RGS7: variants seen among roughly 807,000 people sequenced by gnomAD.
RGS7 encodes the protein regulator of G-protein signaling 7.
RGS7 carries 27 observed loss-of-function variants against 81.1 expected under a neutral mutation model. That is an observed-to-expected ratio of 0.33 (90% confidence interval 0.25 to 0.46). The LOEUF is 0.46. RGS7 is among the 20% of genes least tolerant of loss of function. The pLI, the probability that RGS7 is intolerant of heterozygous loss-of-function variation, is 1.00. For missense variants in RGS7, 396 were observed against 607.4 expected, an observed-to-expected ratio of 0.65 and a Z score of 3.66; for synonymous variants, 208 against 207.7, an observed-to-expected ratio of 1.00 and a Z score of -0.01.
intron 2 of RGS7, among the ~76,000 whole-genome samples, chr1:241,134,960 G>A (rs1441391106): frequency 2.0e-5 from 3 of 151,942 alleles, no homozygotes; most frequent in Non-Finnish European, 2.9e-5. Flanking sequence ...TACCCTGGCC[G>A]GAAGACACCT....
chr1:241,081,480 A>C (rs144123579), intron 3 of RGS7, among the ~76,000 whole-genome samples: 1 of 152,364 alleles, frequency 6.6e-6, no homozygotes, highest in African/African-American at 2.4e-5. Flanking sequence ...TGCCATGGAG[A>C]GGCCTATTTG....
intron 9 of RGS7, among the ~76,000 whole-genome samples, chr1:240,858,920 G>A (rs1405597703): frequency 6.6e-6 from 1 of 152,062 alleles, no homozygotes; most frequent in Non-Finnish European, 1.5e-5. Flanking sequence ...TTGCATCTTT[G>A]TTCATGAGAG....
At chr1:241,161,369 C>G (rs2069643022) in intron 2 of RGS7, among the ~76,000 whole-genome samples, 1 of 151,842 alleles carries the variant, frequency 6.6e-6, no homozygotes, top group Non-Finnish European at 1.5e-5. Context: ...ATAATTAAAA[C>G]TGTTTGCACA....
chr1:241,348,728 T>C (rs1044280690), intron 2 of RGS7, among the ~76,000 whole-genome samples: 5 of 152,180 alleles, frequency 3.3e-5, no homozygotes, highest in African/African-American at 4.8e-5. Context: ...ACTGCCAAGA[T>C]ATATAAGACA....
chr1:241,124,746 C>G (rs1441767201), intron 2 of RGS7, among the ~76,000 whole-genome samples: 3 of 152,176 alleles, frequency 2.0e-5, no homozygotes, highest in African/African-American at 7.2e-5. Flanking sequence ...GAAGGGCCCC[C>G]TGGGAGCTGA....
intron 2 of RGS7, among the ~76,000 whole-genome samples, chr1:241,234,135 C>T (rs1448947957): frequency 6.6e-6 from 1 of 152,204 alleles, no homozygotes; most frequent in Non-Finnish European, 1.5e-5. Flanking sequence ...GCTGCATACA[C>T]TGGGGAACGC....
At chr1:240,838,955 C>T (rs541230154) in intron 9 of RGS7, among the ~76,000 whole-genome samples, 2 of 152,056 alleles carry the variant, frequency 1.3e-5, no homozygotes, top group African/African-American at 2.4e-5. Flanking sequence ...TTAGTAGAGA[C>T]GGGGTTTCAC....
At chr1:241,105,690 T>C (rs1410537842) in intron 2 of RGS7, among the ~76,000 whole-genome samples, 5 of 152,240 alleles carry the variant, frequency 3.3e-5, no homozygotes, top group Non-Finnish European at 5.9e-5. Flanking sequence ...ATCATTATTA[T>C]TGATTTCATT....
chr1:241,107,764 C>A (rs2065214879), intron 2 of RGS7, among the ~76,000 whole-genome samples: 1 of 152,058 alleles, frequency 6.6e-6, no homozygotes, highest in African/African-American at 2.4e-5. Flanking sequence ...TTTATATGAA[C>A]CCAAGGAGAA....
At chr1:241,033,867 C>T (rs2060204831) in intron 3 of RGS7, among the ~76,000 whole-genome samples, 1 of 152,116 alleles carries the variant, frequency 6.6e-6, no homozygotes, top group East Asian at 1.9e-4. Flanking sequence ...GTCGAATATA[C>T]TCAGGATGCT....
chr1:240,802,886 C>T lies in RGS7; in HGVS notation c.1359+18G>A, dbSNP rs1203670455. ...TGAGAACTAGGCCAAGAAAAAACAA[C>T]TCACAAAAAACCAGTACCTTTTTCT... On this transcript the variant is annotated intron_variant, in intron 16 of 18. Transcript: ENST00000440928. 1 of 1,542,070 alleles carries T rather than the reference C, an allele frequency of 6.5e-7. No individual in the cohort carries two copies. Among genetic ancestry groups the T allele is most frequent in the Non-Finnish European group, 9.0e-7 (1 of 1,114,768 alleles).
At chr1:241,307,626 G>A (rs1037625296) in intron 2 of RGS7, among the ~76,000 whole-genome samples, 6 of 152,322 alleles carry the variant, frequency 3.9e-5, no homozygotes, top group Middle Eastern at 3.4e-3. Flanking sequence ...CCCATTCTAC[G>A]ACGGGCCTTT....
At chr1:241,095,568 T>C (rs2064188433) in intron 3 of RGS7, among the ~76,000 whole-genome samples, 1 of 152,112 alleles carries the variant, frequency 6.6e-6, no homozygotes, top group African/African-American at 2.4e-5. Flanking sequence ...GGCAGGAGGA[T>C]TGCTTGAGCT....
chr1:241,046,308 C>CT (rs1558642864), intron 3 of RGS7, among the ~76,000 whole-genome samples: 10 of 15,656 alleles, frequency 6.4e-4, no homozygotes, highest in African/African-American at 1.2e-3. Flanking sequence ...CCTGACCCCC[C>CT]CCCCCTTTTC....
intron 2 of RGS7, among the ~76,000 whole-genome samples, chr1:241,110,378 T>G (rs1278966297): frequency 6.6e-6 from 1 of 152,172 alleles, no homozygotes; most frequent in African/African-American, 2.4e-5. Flanking sequence ...AGCCCTTCTA[T>G]TCTAGCTTCT....
At chr1:241,351,681 T>C (rs2083261289) in intron 2 of RGS7, among the ~76,000 whole-genome samples, 1 of 152,020 alleles carries the variant, frequency 6.6e-6, no homozygotes, top group South Asian at 2.1e-4. Flanking sequence ...CAAGAGACTA[T>C]ATAAGGATGA....
At chr1:241,101,578 A>G (rs2064745783) in intron 2 of RGS7, among the ~76,000 whole-genome samples, 1 of 152,186 alleles carries the variant, frequency 6.6e-6, no homozygotes, top group Non-Finnish European at 1.5e-5. Flanking sequence ...AACAATAACC[A>G]AATACCAAAT....
chr1:241,297,755 T>G (rs2079512817), intron 2 of RGS7, among the ~76,000 whole-genome samples: 1 of 152,218 alleles, frequency 6.6e-6, no homozygotes, highest in Non-Finnish European at 1.5e-5. Context: ...AATAACTGGA[T>G]GATTTAAGTA....
chr1:240,810,737 T>C (rs10926358), intron 14 of RGS7, among the ~76,000 whole-genome samples: 71,486 of 152,094 alleles, frequency 0.47, 18,461 homozygotes, highest in Non-Finnish European at 0.58. Flanking sequence ...GCGTGAGCCC[T>C]CGCACCTAGC....
Sources: gnomAD v4.1 joint callset for allele counts (sites outside exome capture counted in the v4.1 genomes callset) on GRCh38, gnomAD v4.1.1 for gene constraint, MANE v1.5 for transcripts, NCBI Gene and HGNC (gene_info 2026-07-23, HGNC 2026-07-21) for gene names.